Variants in ARHGAP40 observed in about 807,000 individuals in gnomAD.
ARHGAP40 encodes the protein rho GTPase-activating protein 40.
A neutral mutation model predicts 73.5 loss-of-function variants in ARHGAP40; 43 were observed. The observed-to-expected ratio is 0.58, with a 90% CI of 0.46 to 0.75. ARHGAP40 has a LOEUF of 0.75. Among genes scored for constraint, ARHGAP40 ranks in the 30% least tolerant of loss-of-function variants. The pLI is 0.00. For missense variants in ARHGAP40, 734 were observed against 861.8 expected (o/e 0.85, Z 1.86); for synonymous variants, 300 against 352.8 (o/e 0.85, Z 1.68).
In ARHGAP40 at chr20:38,624,829, G is replaced by A. The variant is rs114871462; in HGVS notation, c.337+1271G>A. Among the ~76,000 whole-genome samples, 247 of 152,316 alleles carry A rather than the reference G, an allele frequency of 1.6e-3. 1 individual carries two copies. The highest frequency in any genetic ancestry group is 5.0e-3 in the African/African-American group (206 of 41,566). On this transcript the variant is annotated intron_variant, in intron 2 of 14. Transcript: ENST00000373345. ...CCCCTGCCCTACTCTGTTCGTTGCT[G>A]CAGCAATGATCACTGCCTGACTTTA...
chr20:38,638,279 C>A (rs948129317), intron 7 of ARHGAP40, among the ~76,000 whole-genome samples: 1 of 152,026 alleles, frequency 6.6e-6, no homozygotes, highest in Non-Finnish European at 1.5e-5. Context: ...CGCGCCACTG[C>A]ACCCCAGCAT....
chr20:38,643,577 C>G (rs1333460666), intron 10 of ARHGAP40, 127 bp from the exon 11 acceptor site: 1 of 696,230 alleles, frequency 1.4e-6, no homozygotes, highest in Non-Finnish European at 2.1e-6. Flanking sequence ...GGGAGCCCCT[C>G]TTGCTGCCCT....
chr20:38,618,813 G>C (rs574438350), intron 1 of ARHGAP40, among the ~76,000 whole-genome samples: 1 of 152,298 alleles, frequency 6.6e-6, no homozygotes, highest in East Asian at 1.9e-4. Context: ...ACTATGACCA[G>C]ACAGAGAAGT....
intron 5 of ARHGAP40, among the ~76,000 whole-genome samples, chr20:38,630,603 G>T (rs1245089262): frequency 6.6e-6 from 1 of 152,024 alleles, no homozygotes; most frequent in African/African-American, 2.4e-5. Context: ...GGTTTTTAAA[G>T]ATTGAACTAT....
chr20:38,629,172 C>T (rs1343700394), intron 4 of ARHGAP40, among the ~76,000 whole-genome samples, 170 bp downstream of exon 4: 1 of 152,174 alleles, frequency 6.6e-6, no homozygotes, highest in Non-Finnish European at 1.5e-5. Context: ...CAGGTTGGGC[C>T]CTTAAGTGAG....
chr20:38,642,033 G>A (rs1319526576), intron 10 of ARHGAP40, among the ~76,000 whole-genome samples: 3 of 152,172 alleles, frequency 2.0e-5, no homozygotes, highest in African/African-American at 4.8e-5. Flanking sequence ...TCAGTTCCAC[G>A]TGGTGCTAAC....
In ARHGAP40 at chr20:38,648,623, TCTCTCTC is replaced by T; in HGVS notation, c.1881-19_1881-13del. The T allele has an allele frequency of 7.7e-7, 1 of 1,292,906 alleles. No individual in the cohort carries two copies. The highest frequency in any genetic ancestry group is 1.0e-6 in the Non-Finnish European group (1 of 983,284). 80.1% of individuals were successfully genotyped at this position (1,292,906 alleles called of 1,614,324 possible). A position where few individuals can be genotyped will look rare whatever the true frequency, so the allele number is the denominator to read the frequency against. ...AAGAAAAAGGCAGTAGTTTTTTTTT[TCTCTCTC>T]TCTGTTTTACAGCCATAGGTCCATG... On this transcript the variant is annotated splice_polypyrimidine_tract_variant and intron_variant, in intron 13 of 14. Transcript: ENST00000373345.
intron 6 of ARHGAP40, among the ~76,000 whole-genome samples, chr20:38,636,256 A>T (rs1240986449): frequency 6.6e-6 from 1 of 150,610 alleles, no homozygotes; most frequent in African/African-American, 2.4e-5. Context: ...CATGATTTTT[A>T]TTTATTTATT....
intron 3 of ARHGAP40, among the ~76,000 whole-genome samples, chr20:38,628,068 G>T (rs2088913682): frequency 6.6e-6 from 1 of 152,216 alleles, no homozygotes; most frequent in Non-Finnish European, 1.5e-5. Flanking sequence ...CCAGGGGCAG[G>T]ACCACCCTAT....
chr20:38,624,161 G>A (rs904069178), intron 2 of ARHGAP40, among the ~76,000 whole-genome samples: 3 of 152,110 alleles, frequency 2.0e-5, no homozygotes, highest in Non-Finnish European at 4.4e-5. Context: ...GCTGGGGCTG[G>A]ACTCATCTCA....
intron 1 of ARHGAP40, among the ~76,000 whole-genome samples, chr20:38,616,861 C>T (rs1341501728): frequency 6.6e-6 from 1 of 152,218 alleles, no homozygotes; most frequent in Non-Finnish European, 1.5e-5. Flanking sequence ...TAACTTACTA[C>T]AGTGCACAGG....
chr20:38,614,346 C>CTTT (rs1172485208), intron 1 of ARHGAP40, among the ~76,000 whole-genome samples: 1 of 151,976 alleles, frequency 6.6e-6, no homozygotes, highest in Admixed American at 6.6e-5. Context: ...CTGAGATTGC[C>CTTT]TTTCTTTCTT....
rs755219505 is a variant in ARHGAP40 at position 38,616,650 on chromosome 20, G to T, written c.138-6709G>T. On this transcript the variant is annotated intron_variant, in intron 1 of 14. Coordinates refer to ENST00000373345, the Ensembl canonical transcript of ARHGAP40. ...GTAACCTTGCAGAAGTCACTTTATC[G>T]CTGTGCCTCTGTTTGACCATCTGTG... Among the ~76,000 whole-genome samples, 147 of 152,312 alleles carry T rather than the reference G, an allele frequency of 9.7e-4. 1 individual carries two copies. Among genetic ancestry groups the T allele is most frequent in the Admixed American group, 5.2e-4 (8 of 15,302 alleles).
Position 38,646,993 on chromosome 20 carries a change from A to C in ARHGAP40, c.1747A>C (p.Ile583Leu). Residue 583 changes from isoleucine (I) to leucine (L), a missense_variant, in exon 13 of 15, where the codon ATC (isoleucine) becomes CTC (leucine). By Grantham distance (5) the Ile-to-Leu change is conservative. Transcript: ENST00000373345. The surrounding 1 kb of genome is among the most constrained non-coding windows in gnomAD (Gnocchi z 4.5). ...GGCAAAGATCCAGGTGGTCTGGCCT[A>C]TCAAGGACCCCTTGAAGGTGCCTCT... 7.7e-7 allele frequency: 1 copy of C among 1,305,456 alleles called. No individual in the cohort carries two copies. Among genetic ancestry groups the C allele is most frequent in the Non-Finnish European group, 1.0e-6 (1 of 989,002 alleles). 80.9% of individuals were successfully genotyped at this position (1,305,456 alleles called of 1,614,324 possible). A position where few individuals can be genotyped will look rare whatever the true frequency, so the allele number is the denominator to read the frequency against.
Position 38,646,328 on chromosome 20 carries a change from C to A in ARHGAP40, c.1710+141C>A. 2.0e-6 allele frequency: 2 copies of A among 1,001,346 alleles called. No homozygotes were observed. The highest frequency in any genetic ancestry group is 2.5e-6 in the Non-Finnish European group (2 of 794,648). 62.0% of individuals were successfully genotyped at this position (1,001,346 alleles called of 1,614,324 possible). Reference sequence around the variant, plus strand: ...GTGAGGCCACCAGGGGGCGTTGCGGCGCCGTCACGGGGAGCGAGGAGGCGT... The same window carrying A: ...GTGAGGCCACCAGGGGGCGTTGCGGAGCCGTCACGGGGAGCGAGGAGGCGT... On this transcript the variant is annotated intron_variant, in intron 12 of 14. Coordinates refer to ENST00000373345, the Ensembl canonical transcript of ARHGAP40. The surrounding 1 kb of genome is among the most constrained non-coding windows in gnomAD (Gnocchi z 4.5).
intron 11 of ARHGAP40, among the ~76,000 whole-genome samples, chr20:38,644,591 C>A (rs1161581775): frequency 6.6e-6 from 1 of 150,970 alleles, no homozygotes; most frequent in Non-Finnish European, 1.5e-5. Context: ...ATCCACCCAC[C>A]CATCCATTTA....
intron 6 of ARHGAP40, among the ~76,000 whole-genome samples, chr20:38,635,593 G>A (rs2088969953): frequency 6.6e-6 from 1 of 152,126 alleles, no homozygotes; most frequent in Non-Finnish European, 1.5e-5. Flanking sequence ...AGCCCGGGAG[G>A]TGAAGGCTGC....
chr20:38,636,212 A>G (rs950503791), intron 6 of ARHGAP40, among the ~76,000 whole-genome samples: 5 of 152,088 alleles, frequency 3.3e-5, no homozygotes, highest in Non-Finnish European at 7.4e-5. Flanking sequence ...AACAATAGTG[A>G]CATTTACCAC....
rs113652966 is a variant in ARHGAP40 at position 38,620,738 on chromosome 20, G to A, written c.138-2621G>A. 7.8e-3 allele frequency among the ~76,000 whole-genome samples: 1,189 copies of A among 152,328 alleles called. 13 individuals carry two copies. The highest frequency in any genetic ancestry group is 0.026 in the African/African-American group (1,079 of 41,566). On this transcript the variant is annotated intron_variant, in intron 1 of 14. Transcript: ENST00000373345. ...TCTGCTCTGTGCAAATGCCGGAGCC[G>A]TTGCCAGGAGGTTGTGCCCTGTCCC...
Sources: gnomAD v4.1 joint callset for allele counts (sites outside exome capture counted in the v4.1 genomes callset) on GRCh38, gnomAD v4.1.1 for gene constraint, Gnocchi (gnomAD v3.1) non-coding constraint, MANE v1.5 for transcripts, NCBI Gene and HGNC (gene_info 2026-07-23, HGNC 2026-07-21) for gene names.